Variants in DPYSL5 observed in about 807,000 individuals in gnomAD.
DPYSL5 encodes dihydropyrimidinase-related protein 5.
DPYSL5 carries 9 observed loss-of-function variants against 58.4 expected under a neutral mutation model. The ratio of observed to expected loss-of-function variants is 0.15; its 90% confidence interval spans 0.09 to 0.27. The LOEUF (loss-of-function observed/expected upper bound fraction) is 0.27. Ranked by LOEUF, DPYSL5 falls within the 10% of genes least tolerant of loss-of-function variation. The pLI is 1.00. For synonymous variants in DPYSL5, 293 were observed against 301.9 expected, an observed-to-expected ratio of 0.97 and a Z score of 0.31; for missense variants, 499 against 770.6, an observed-to-expected ratio of 0.65 and a Z score of 4.17.
chr2:26,861,473 A>G (rs758263838), intron 1 of DPYSL5, among the ~76,000 whole-genome samples: 1 of 152,138 alleles, frequency 6.6e-6, no homozygotes, highest in Non-Finnish European at 1.5e-5. Flanking sequence ...TCATCATAGG[A>G]TATTGGGTCT....
chr2:26,921,618 C>G (rs1328017063), intron 2 of DPYSL5, among the ~76,000 whole-genome samples: 1 of 152,150 alleles, frequency 6.6e-6, no homozygotes, highest in Non-Finnish European at 1.5e-5. Context: ...GGTACATATT[C>G]AAAAAGCCAA....
rs574709469 is a variant in DPYSL5, at chr2:26,856,080, TA to T, written c.-5+7834del. Among the ~76,000 whole-genome samples, 39 of 151,968 alleles carry T rather than the reference TA, an allele frequency of 2.6e-4. No homozygotes were observed. In the South Asian group the frequency reaches 6.7e-3, roughly 26 times the overall value. On this transcript the variant is annotated intron_variant, in intron 1 of 12. Transcript: ENST00000288699. The stretch of plus-strand genomic sequence containing the variant: ...GGGTACAGTGGCTGAGGGTGCATTT[TA>T]AAAAAAACTAGTAAAGTATAACAGA...
intron 2 of DPYSL5, among the ~76,000 whole-genome samples, chr2:26,899,703 G>A (rs1664106497): frequency 6.6e-6 from 1 of 152,188 alleles, no homozygotes; most frequent in African/African-American, 2.4e-5. Flanking sequence ...TCCAGGGGCT[G>A]CAGACCAGAC....
Position 26,850,203 on chromosome 2 carries a change from T to C in DPYSL5, c.-5+1949T>C, listed in dbSNP as rs1665716384. 2.6e-5 allele frequency among the ~76,000 whole-genome samples: 4 copies of C among 152,182 alleles called. No homozygotes were observed. In the South Asian group the frequency reaches 8.3e-4, roughly 32 times the overall value. On this transcript the variant is annotated intron_variant, in intron 1 of 12. Transcript: ENST00000288699. The stretch of plus-strand genomic sequence containing the variant: ...CGCTGCTAGGGGTCCAGTGCTTTTC[T>C]TTGCCAGTGACCACACCCAAGCCAG...
chr2:26,853,592 C>T (rs1370470174), intron 1 of DPYSL5, among the ~76,000 whole-genome samples: 1 of 152,066 alleles, frequency 6.6e-6, no homozygotes, highest in Admixed American at 6.6e-5. Flanking sequence ...TCCAGAAAAA[C>T]AGAAAATCAG....
chr2:26,884,974 G>A (rs1169798074), intron 1 of DPYSL5, among the ~76,000 whole-genome samples: 2 of 152,090 alleles, frequency 1.3e-5, no homozygotes. Flanking sequence ...TGAGGCAGGC[G>A]GATCACCTGA....
chr2:26,944,697 G>C lies in DPYSL5; in HGVS notation c.1482G>C (p.Gly494=). 1.2e-6 allele frequency: 2 copies of C among 1,614,104 alleles called. No homozygotes were observed. Among genetic ancestry groups the C allele is most frequent in the Non-Finnish European group, 8.5e-7 (1 of 1,180,010 alleles). Residue 494 remains glycine (G), a synonymous_variant, in exon 12 of 13, where the codon GGG becomes GGC. Coordinates refer to ENST00000288699, the MANE Select transcript of DPYSL5 (RefSeq NM_020134.4). The surrounding 1 kb of genome is among the most constrained non-coding windows in gnomAD (Gnocchi z 4.4). ...VRGVDRTPYL[G]DVAVVVHPGK... ...GAGTGGACCGCACTCCCTACCTGGG[G>C]GATGTCGCTGTTGTCGTGCACCCTG... is the stretch of plus-strand genomic sequence containing the variant.
intron 1 of DPYSL5, among the ~76,000 whole-genome samples, chr2:26,871,394 ATATT>A (rs34229276): frequency 0.026 from 3,937 of 152,262 alleles, 78 homozygotes; most frequent in Admixed American, 0.033. Flanking sequence ...ATAAATAGAA[ATATT>A]TACTTACTTT....
At chr2:26,880,467 C>A (rs1663530797) in intron 1 of DPYSL5, among the ~76,000 whole-genome samples, 1 of 152,222 alleles carries the variant, frequency 6.6e-6, no homozygotes. Flanking sequence ...TGCCAGGGCA[C>A]CCTGGGAGCC....
chr2:26,871,180 C>T (rs1432173363), intron 1 of DPYSL5, among the ~76,000 whole-genome samples: 1 of 152,062 alleles, frequency 6.6e-6, no homozygotes, highest in Non-Finnish European at 1.5e-5. Context: ...ACTGTGGCCC[C>T]CAGAGCTTAA....
intron 1 of DPYSL5, among the ~76,000 whole-genome samples, chr2:26,888,143 T>C (rs1170865045): frequency 5.3e-5 from 8 of 152,270 alleles, no homozygotes; most frequent in Admixed American, 5.2e-4. Context: ...TCTATGCAGC[T>C]CTAGAATTCC....
chr2:26,928,460 T>G, intron 5 of DPYSL5, 137 bp downstream of exon 5: 1 of 948,666 alleles, frequency 1.1e-6, no homozygotes, highest in Non-Finnish European at 1.6e-6. Flanking sequence ...TTTGGGAGGC[T>G]GAGGTGGGTG....
rs55795892 is a variant in DPYSL5, at chr2:26,936,945, T to TAAAAAAAAA, written c.947+2219_947+2227dup. On this transcript the variant is annotated intron_variant, in intron 8 of 12. Coordinates refer to ENST00000288699, the MANE Select transcript of DPYSL5 (RefSeq NM_020134.4). ...TGGGCAACAAGAGCAAGACTTCATTTAAAAAAAAAAAAAAAAGCTTGTTTT... is the reference window on the plus strand; with the variant it reads ...TGGGCAACAAGAGCAAGACTTCATTTAAAAAAAAAAAAAAAAAAAAAAAAAGCTTGTTTT... Among the ~76,000 whole-genome samples, 159 of 77,880 alleles carry TAAAAAAAAA rather than the reference T, an allele frequency of 2.0e-3. 5 individuals are homozygous for TAAAAAAAAA. Among genetic ancestry groups the TAAAAAAAAA allele is most frequent in the African/African-American group, 7.5e-3 (150 of 20,088 alleles). The allele number at this position is 77,880 out of a possible 152,430, so 51.1% of individuals were successfully genotyped here. A position where few individuals can be genotyped will look rare whatever the true frequency, so the allele number is the denominator to read the frequency against.
chr2:26,881,213 C>T (rs994968683), intron 1 of DPYSL5, among the ~76,000 whole-genome samples: 1 of 152,160 alleles, frequency 6.6e-6, no homozygotes, highest in African/African-American at 2.4e-5. Flanking sequence ...CCGTCTCATC[C>T]TCACTCACTC....
intron 1 of DPYSL5, among the ~76,000 whole-genome samples, chr2:26,882,049 C>T (rs1663579251): frequency 1.4e-5 from 2 of 145,944 alleles, no homozygotes; most frequent in South Asian, 4.3e-4. Context: ...CGAGATCACA[C>T]CACTGCACTC....
chr2:26,945,204 C>T (rs1665438237), intron 12 of DPYSL5, among the ~76,000 whole-genome samples: 1 of 152,002 alleles, frequency 6.6e-6, no homozygotes, highest in Non-Finnish European at 1.5e-5. Flanking sequence ...CCTTCGCCCA[C>T]CCCAGCCCAC....
At position 26,947,752 on chromosome 2, in the gene DPYSL5, C is replaced by G. The variant is rs1314534286; in HGVS notation, c.*757C>G. 2 of 152,878 alleles carry G rather than the reference C, an allele frequency of 1.3e-5. No homozygotes were observed. The highest frequency in any genetic ancestry group is 6.5e-5 in the Admixed American group (1 of 15,286). 9.5% of individuals were successfully genotyped at this position (152,878 alleles called of 1,614,324 possible). On this transcript the variant is annotated 3_prime_UTR_variant, in exon 13 of 13. Coordinates refer to ENST00000288699, the MANE Select transcript of DPYSL5 (RefSeq NM_020134.4). This position sits in a 1 kb window ranked among gnomAD's most constrained non-coding sequence, Gnocchi z 4.2. ...GTGAAAAATAACGGTGCTTGTGTCA[C>G]TAGCATAGAATAGCGACAGGAATAG...
chr2:26,875,588 T>G (rs1297561141), intron 1 of DPYSL5, among the ~76,000 whole-genome samples: 1 of 151,708 alleles, frequency 6.6e-6, no homozygotes, highest in East Asian at 1.9e-4. Context: ...AACAGAGGAG[T>G]TGGAGCTTAG....
chr2:26,848,101 C>CCCCACTCTGGACT (rs1294194673), upstream of DPYSL5: 1 of 151,510 alleles, frequency 6.6e-6, no homozygotes, highest in African/African-American at 2.4e-5. Context: ...CTCCCCCGCT[C>CCCCACTCTGGACT]CCCACTCTGG....
Sources: gnomAD v4.1 joint callset for allele counts (sites outside exome capture counted in the v4.1 genomes callset) on GRCh38, gnomAD v4.1.1 for gene constraint, Gnocchi (gnomAD v3.1) non-coding constraint, MANE v1.5 for transcripts, NCBI Gene and HGNC (gene_info 2026-07-23, HGNC 2026-07-21) for gene names.